PCLO: variants seen among roughly 807,000 people sequenced by gnomAD.
The protein encoded by PCLO is piccolo presynaptic cytomatrix protein.
In PCLO, 82 loss-of-function variants were observed where a neutral mutation model predicts 427.5. The observed-to-expected ratio is 0.19, with a 90% CI of 0.16 to 0.23. The LOEUF is 0.23. Ranked by LOEUF, PCLO falls within the 10% of genes least tolerant of loss-of-function variation. PCLO has a pLI of 1.00. For missense variants in PCLO, 6,239 were observed against 6,115.9 expected (o/e 1.02, Z -0.67); for synonymous variants, 2,357 against 2,155.4 (o/e 1.09, Z -2.59).
chr7:82,924,966 T>C (rs1461631762), intron 6 of PCLO, among the ~76,000 whole-genome samples: 2 of 152,168 alleles, frequency 1.3e-5, no homozygotes, highest in Non-Finnish European at 2.9e-5. Flanking sequence ...CCTCTAACTG[T>C]ACAAGAAATT....
At chr7:82,913,706 G>A (rs1450548002) in intron 7 of PCLO, among the ~76,000 whole-genome samples, 1 of 151,848 alleles carries the variant, frequency 6.6e-6, no homozygotes, top group Non-Finnish European at 1.5e-5. Context: ...TAAACACAAA[G>A]CTACTTTAAA....
rs141813587 is a variant in PCLO, at chr7:83,146,293, C to G, written c.1893+8455G>C. Reference sequence around the variant, plus strand: ...CATATGTGAGAGGCAGAACTAGGACCAGAACCCATATTGTTTGACACCTTA... The same window carrying G: ...CATATGTGAGAGGCAGAACTAGGACGAGAACCCATATTGTTTGACACCTTA... On this transcript the variant is annotated intron_variant, in intron 2 of 24. Coordinates refer to ENST00000333891, the MANE Select transcript of PCLO (RefSeq NM_033026.6). Among the ~76,000 whole-genome samples the G allele has an allele frequency of 3.5e-3, 536 of 152,254 alleles. 1 individual carries two copies. Among genetic ancestry groups the G allele is most frequent in the African/African-American group, 0.012 (498 of 41,544 alleles).
At chr7:83,000,268 TGAGAGAGAGAGAGAGAGAGAGAGAGA>T (rs145445022) in intron 3 of PCLO, among the ~76,000 whole-genome samples, 1 of 54,114 alleles carries the variant, frequency 1.8e-5, no homozygotes, top group Non-Finnish European at 3.6e-5. Flanking sequence ...TTCAAAGTGT[TGAGAGAGAGAGAGAGAGAGAGAGAGA>T]GAGAGAGAGA....
chr7:82,968,517 C>CTTTTTTTTTTTTTTTTTTTTTT (rs11324005), intron 3 of PCLO, among the ~76,000 whole-genome samples: 4 of 73,216 alleles, frequency 5.5e-5, no homozygotes, highest in Admixed American at 1.6e-4. Flanking sequence ...CAGAGTCTGA[C>CTTTTTTTTTTTTTTTTTTTTTT]TTTTTTTTTT....
chr7:82,776,204 A>G (rs1790745330), intron 22 of PCLO, among the ~76,000 whole-genome samples: 1 of 152,242 alleles, frequency 6.6e-6, no homozygotes, highest in South Asian at 2.1e-4. Flanking sequence ...CAAAACCAAT[A>G]CTACGTTAAA....
chr7:82,884,915 T>C (rs769257251), intron 9 of PCLO, among the ~76,000 whole-genome samples: 1 of 152,144 alleles, frequency 6.6e-6, no homozygotes, highest in Non-Finnish European at 1.5e-5. Context: ...AAAATAAATG[T>C]CAGTTTTCCT....
chr7:83,153,169 T>C (rs1438888589), intron 2 of PCLO, among the ~76,000 whole-genome samples: 3 of 150,234 alleles, frequency 2.0e-5, no homozygotes, highest in Admixed American at 6.7e-5. Flanking sequence ...CATATATATA[T>C]GTATATATAA....
intron 3 of PCLO, among the ~76,000 whole-genome samples, chr7:83,048,836 T>C (rs1448936706): frequency 6.6e-6 from 1 of 152,120 alleles, no homozygotes; most frequent in East Asian, 1.9e-4. Context: ...TTTTCAAATT[T>C]CAGCTTAAAA....
rs771657616 is a variant in PCLO, at chr7:82,915,965, A to C, written c.12021T>G (p.Asn4007Lys). Residue 4007 changes from asparagine to lysine, a missense_variant, in exon 7 of 25, where the codon AAT becomes AAG. Asn to Lys is a moderately conservative substitution (Grantham distance 94, BLOSUM62 0). This residue lies in a region of PCLO where 680 missense variants were observed against 677.3 expected (regional missense o/e 1.00). Transcript: ENST00000333891. The part of the protein sequence containing the change: ...FAVSHLGSKY[N>K]SLDLRIGLEE... ...CCAAACCTATTCTCAAGTCTAAACT[A>C]TTGTACTTACTACCAAGATGGGAAA... is the stretch of plus-strand genomic sequence containing the variant. The C allele has an allele frequency of 6.2e-7, 1 of 1,612,972 alleles. No homozygotes were observed.
chr7:82,793,002 AT>A (rs1229397170), intron 22 of PCLO, among the ~76,000 whole-genome samples: 1 of 132,772 alleles, frequency 7.5e-6, no homozygotes, highest in Non-Finnish European at 1.6e-5. Context: ...TAAGTTATTA[AT>A]TGCTTTTTTT....
Position 82,949,743 on chromosome 7 carries a change from G to T in PCLO, c.10845C>A (p.Ser3615=). ...AAAGGACTTTGGGGGATTTGGGTGGGGAAGGAGCCAGCTGTACTGTGGAAT... is the reference window on the plus strand; with the variant it reads ...AAAGGACTTTGGGGGATTTGGGTGGTGAAGGAGCCAGCTGTACTGTGGAAT... The part of the protein sequence containing the change: ...RADSTVQLAP[S]PPKSPKVLYS... Residue 3615 remains serine, a synonymous_variant, in exon 6 of 25, where the codon TCC becomes TCA. Coordinates refer to ENST00000333891, the MANE Select transcript of PCLO (RefSeq NM_033026.6). 1 of 1,613,786 alleles carries T rather than the reference G, an allele frequency of 6.2e-7. No homozygotes were observed. Among genetic ancestry groups the T allele is most frequent in the South Asian group, 1.1e-5 (1 of 91,078 alleles).
chr7:83,094,210 CTT>C (rs767490139), intron 3 of PCLO, among the ~76,000 whole-genome samples: 11 of 126,000 alleles, frequency 8.7e-5, no homozygotes, highest in Middle Eastern at 4.4e-3. Context: ...ATTTTTTTTT[CTT>C]TTTTTTTTTT....
Position 82,827,975 on chromosome 7 carries a change from G to A in PCLO, c.14250-9C>T. ...TTCTCTTGTACTCAGCACTGAATTG[G>A]GAGAAAAGAAAGAGTTATCTTGATT... On this transcript the variant is annotated splice_polypyrimidine_tract_variant and intron_variant, in intron 16 of 24. Coordinates refer to ENST00000333891, the MANE Select transcript of PCLO (RefSeq NM_033026.6). 6.6e-7 allele frequency: 1 copy of A among 1,522,388 alleles called. No homozygotes were observed. The highest frequency in any genetic ancestry group is 9.1e-7 in the Non-Finnish European group (1 of 1,100,376). The allele number at this position is 1,522,388 out of a possible 1,614,324, so 94.3% of individuals were successfully genotyped here. A position where few individuals can be genotyped will look rare whatever the true frequency, so the allele number is the denominator to read the frequency against.
At chr7:83,070,392 T>G (rs1383088305) in intron 3 of PCLO, among the ~76,000 whole-genome samples, 3 of 151,434 alleles carry the variant, frequency 2.0e-5, no homozygotes, top group East Asian at 1.9e-4. Context: ...TTTGTGGTTT[T>G]TTTTTTTTTT....
At chr7:83,053,473 G>A (rs1330211112) in intron 3 of PCLO, among the ~76,000 whole-genome samples, 1 of 151,922 alleles carries the variant, frequency 6.6e-6, no homozygotes, top group Non-Finnish European at 1.5e-5. Flanking sequence ...AATGTTGGAA[G>A]AAAAGAATGG....
At chr7:83,038,081 A>AT (rs1377672255) in intron 3 of PCLO, among the ~76,000 whole-genome samples, 1 of 78,510 alleles carries the variant, frequency 1.3e-5, no homozygotes, top group African/African-American at 4.7e-5. Flanking sequence ...ATTTATATAT[A>AT]TATCTTTATA....
chr7:83,116,613 C>G (rs1443663714), intron 3 of PCLO, among the ~76,000 whole-genome samples: 1 of 152,042 alleles, frequency 6.6e-6, no homozygotes, highest in Non-Finnish European at 1.5e-5. Context: ...TATGTTTGAC[C>G]TCACATGGTT....
chr7:83,048,054 C>A (rs926134490), intron 3 of PCLO, among the ~76,000 whole-genome samples: 3 of 152,082 alleles, frequency 2.0e-5, no homozygotes, highest in Admixed American at 6.6e-5. Flanking sequence ...CCAGCATACA[C>A]TCATCTTCCT....
At chr7:83,099,588 A>C (rs372094114) in intron 3 of PCLO, among the ~76,000 whole-genome samples, 196 of 152,082 alleles carry the variant, frequency 1.3e-3, no homozygotes, top group African/African-American at 4.4e-3. Context: ...ACAGGGTTTC[A>C]TCATGTTGGC....
Sources: allele counts gnomAD v4.1 joint callset (sites outside exome capture counted in the v4.1 genomes callset), GRCh38; gene constraint gnomAD v4.1.1; regional missense constraint gnomAD v4.1.1; transcripts MANE v1.5; gene names NCBI Gene and HGNC (gene_info 2026-07-23, HGNC 2026-07-21).